Variants in CEP126 observed in about 807,000 individuals in gnomAD.
CEP126 encodes the protein centrosomal protein 126, also known as centrosomal protein of 126 kDa.
A neutral mutation model predicts 107.8 loss-of-function variants in CEP126; 74 were observed. The observed-to-expected ratio is 0.69, with a 90% CI of 0.57 to 0.83. The LOEUF (loss-of-function observed/expected upper bound fraction) is 0.83, where lower values mean the gene tolerates loss of function less well. CEP126 is among the 40% of genes least tolerant of loss of function. CEP126 has a pLI of 0.00. For missense variants in CEP126, 1,237 were observed against 1,281.9 expected, an observed-to-expected ratio of 0.96 and a Z score of 0.53; for synonymous variants, 449 against 446.0, an observed-to-expected ratio of 1.01 and a Z score of -0.08.
intron 8 of CEP126, among the ~76,000 whole-genome samples, chr11:101,986,111 T>C (rs1941314012): frequency 6.6e-6 from 1 of 151,090 alleles, no homozygotes; most frequent in Non-Finnish European, 1.5e-5. Flanking sequence ...GCCTCCCAAG[T>C]AGCTGGGATT....
At position 101,999,643 on chromosome 11, in the gene CEP126, T is replaced by G. The variant is rs1941484337; in HGVS notation, c.*2000T>G. ...TTCTGCCCATGACTCCTCCAGAATTTTAGTAGATACAGGGTGGGTTCATTA... is the reference window on the plus strand; with the variant it reads ...TTCTGCCCATGACTCCTCCAGAATTGTAGTAGATACAGGGTGGGTTCATTA... On this transcript the variant is annotated 3_prime_UTR_variant, in exon 11 of 11. Coordinates refer to ENST00000263468, the MANE Select transcript of CEP126 (RefSeq NM_020802.4). 6.6e-6 allele frequency: 1 copy of G among 152,296 alleles called. No homozygotes were observed. The highest frequency in any genetic ancestry group is 6.5e-5 in the Admixed American group (1 of 15,286). 9.4% of individuals were successfully genotyped at this position (152,296 alleles called of 1,614,324 possible). A position where few individuals can be genotyped will look rare whatever the true frequency, so the allele number is the denominator to read the frequency against.
chr11:101,947,935 A>T, intron 3 of CEP126, 96 bp from the exon 4 acceptor site: 1 of 487,204 alleles, frequency 2.1e-6, no homozygotes, highest in South Asian at 7.4e-5. Flanking sequence ...CAAAAGTTTT[A>T]AAGTAATATT....
At position 101,963,585 on chromosome 11, in the gene CEP126, G is replaced by C. The variant is rs1442961968; in HGVS notation, c.2550G>C (p.Leu850Phe). 2 of 1,614,108 alleles carry C rather than the reference G, an allele frequency of 1.2e-6. No homozygotes were observed. The highest frequency in any genetic ancestry group is 1.7e-6 in the Non-Finnish European group (2 of 1,180,018). ...ATGTGCTTCCAACAGAACACAGTTTGAATCAGTGGAATCAGGAAAGTAGTT... is the reference window on the plus strand; with the variant it reads ...ATGTGCTTCCAACAGAACACAGTTTCAATCAGTGGAATCAGGAAAGTAGTT... ...SKHVLPTEHS[L>F]NQWNQESSSP... The change falls in exon 6 of 11, where the codon TTG becomes TTC. Residue 850 changes from leucine to phenylalanine, a missense_variant. Leu to Phe is a conservative substitution (Grantham distance 22). Coordinates refer to ENST00000263468, the MANE Select transcript of CEP126 (RefSeq NM_020802.4).
At position 101,948,119 on chromosome 11, in the gene CEP126, C is replaced by T; in HGVS notation, c.483C>T (p.Ser161=). The change falls in exon 4 of 11, where the codon TCC becomes TCT. Residue 161 remains serine (S), a synonymous_variant. Coordinates refer to ENST00000263468, the MANE Select transcript of CEP126 (RefSeq NM_020802.4). ...NLKSEVNLPF[S]RRPTINWRAI... Reference sequence around the variant, plus strand: ...AATCAGAAGTAAACCTTCCCTTTTCCCGTAGACCAACAATAAACTGGAGGT... The same window carrying T: ...AATCAGAAGTAAACCTTCCCTTTTCTCGTAGACCAACAATAAACTGGAGGT... 3 of 1,605,556 alleles carry T rather than the reference C, an allele frequency of 1.9e-6. No individual in the cohort carries two copies. Among genetic ancestry groups the T allele is most frequent in the Non-Finnish European group, 2.6e-6 (3 of 1,173,184 alleles).
At chr11:101,958,048 C>T (rs917886794) in intron 4 of CEP126, 120 bp from the exon 5 acceptor site, 14 of 805,106 alleles carry the variant, frequency 1.7e-5, no homozygotes, top group Non-Finnish European at 2.4e-5. Flanking sequence ...CTCCAATATC[C>T]TTATATGTGG....
chr11:101,917,026 CAATGTGTGT>C (rs1380519849), intron 1 of CEP126, among the ~76,000 whole-genome samples: 1 of 110,888 alleles, frequency 9.0e-6, no homozygotes, highest in Admixed American at 1.1e-4. Context: ...TAAAATCCAA[CAATGTGTGT>C]GTGTGTGTGT....
chr11:101,917,742 A>C (rs1253673164), intron 1 of CEP126, among the ~76,000 whole-genome samples: 1 of 151,734 alleles, frequency 6.6e-6, no homozygotes, highest in Non-Finnish European at 1.5e-5. Context: ...TTTATACCCT[A>C]TTCTTAACTA....
At chr11:101,993,448 T>C (rs1378400237) in intron 10 of CEP126, among the ~76,000 whole-genome samples, 1 of 152,240 alleles carries the variant, frequency 6.6e-6, no homozygotes, top group Non-Finnish European at 1.5e-5. Context: ...ATTTTCTCTA[T>C]CCAGTCTACC....
At chr11:101,952,978 A>G (rs182046893) in intron 4 of CEP126, among the ~76,000 whole-genome samples, 1 of 152,342 alleles carries the variant, frequency 6.6e-6, no homozygotes, top group Admixed American at 6.5e-5. Context: ...GAAGGCCACA[A>G]GACAGTTGAG....
At chr11:101,966,213 A>G (rs1441708390) in intron 6 of CEP126, among the ~76,000 whole-genome samples, 1 of 152,356 alleles carries the variant, frequency 6.6e-6, no homozygotes, top group East Asian at 1.9e-4. Flanking sequence ...GATTATACTT[A>G]GAAAATATAA....
At chr11:101,917,061 T>C (rs943755511) in intron 1 of CEP126, among the ~76,000 whole-genome samples, 10 of 148,694 alleles carry the variant, frequency 6.7e-5, no homozygotes, top group East Asian at 5.8e-4. Context: ...TGTGTGTGTG[T>C]GTGTGTGTGT....
At chr11:101,944,734 G>T (rs1041038920) in intron 3 of CEP126, among the ~76,000 whole-genome samples, 2 of 152,078 alleles carry the variant, frequency 1.3e-5, no homozygotes, top group Non-Finnish European at 2.9e-5. Flanking sequence ...GAAAATTAGT[G>T]TCACATTTAT....
chr11:101,989,404 T>G (rs1425088759), intron 9 of CEP126, among the ~76,000 whole-genome samples: 1 of 152,112 alleles, frequency 6.6e-6, no homozygotes, highest in Admixed American at 6.6e-5. Context: ...CCACAGCACT[T>G]CCCTATCATG....
chr11:101,947,978 G>T, intron 3 of CEP126, 53 bp from the exon 4 acceptor site: 3 of 796,590 alleles, frequency 3.8e-6, no homozygotes, highest in South Asian at 4.7e-5. Context: ...TATGTAAAGT[G>T]ACCACTGAAG....
At chr11:101,925,066 C>T (rs187529703) in intron 2 of CEP126, among the ~76,000 whole-genome samples, 1 of 152,242 alleles carries the variant, frequency 6.6e-6, no homozygotes, top group East Asian at 1.9e-4. Flanking sequence ...CCCTTTGTTT[C>T]CGGCTCCAGT....
Position 101,978,382 on chromosome 11 carries a change from A to G in CEP126, c.2881A>G (p.Thr961Ala). Reference sequence around the variant, plus strand: ...TATGAGAAGAAAACGAATTGCTGAAACTAAGCGGAGAAATATTTTAGAGCA... The same window carrying G: ...TATGAGAAGAAAACGAATTGCTGAAGCTAAGCGGAGAAATATTTTAGAGCA... Reference protein sequence around the residue: ...TVMRRKRIAETKRRNILEQKR... With the variant: ...TVMRRKRIAEAKRRNILEQKR... Residue 961 changes from threonine to alanine, a missense_variant, in exon 7 of 11, where the codon ACT becomes GCT. Transcript: ENST00000263468. The G allele has an allele frequency of 6.2e-7, 1 of 1,613,672 alleles. No individual in the cohort carries two copies. Among genetic ancestry groups the G allele is most frequent in the Non-Finnish European group, 8.5e-7 (1 of 1,179,724 alleles).
chr11:101,977,038 T>TA lies in CEP126; in HGVS notation c.2846-1307dup, dbSNP rs558347902. 1.5e-3 allele frequency among the ~76,000 whole-genome samples: 236 copies of TA among 152,280 alleles called. 1 individual carries two copies. Among genetic ancestry groups the TA allele is most frequent in the African/African-American group, 5.5e-3 (229 of 41,562 alleles). On this transcript the variant is annotated intron_variant, in intron 6 of 10. Transcript: ENST00000263468. ...GTACTAATATATACATTAAGAACCT[T>TA]AATCGGAAATTTTTTAAAGATAAGC...
At chr11:101,967,815 G>A (rs1941075292) in intron 6 of CEP126, among the ~76,000 whole-genome samples, 1 of 152,150 alleles carries the variant, frequency 6.6e-6, no homozygotes, top group Admixed American at 6.5e-5. Context: ...TAGCAGAAAT[G>A]GTAATGACAA....
chr11:101,928,204 T>C (rs1940439321), intron 2 of CEP126, among the ~76,000 whole-genome samples: 1 of 152,218 alleles, frequency 6.6e-6, no homozygotes, highest in Non-Finnish European at 1.5e-5. Flanking sequence ...CATTTTTAAT[T>C]GGACTGTTTG....
Sources: gnomAD v4.1 joint callset for allele counts (sites outside exome capture counted in the v4.1 genomes callset) on GRCh38, gnomAD v4.1.1 for gene constraint, MANE v1.5 for transcripts, NCBI Gene and HGNC (gene_info 2026-07-23, HGNC 2026-07-21) for gene names.